Variants in TNS1 observed in about 807,000 individuals in gnomAD.
The protein encoded by TNS1 is tensin-1.
TNS1 carries 62 observed loss-of-function variants against 168.6 expected under a neutral mutation model. The observed-to-expected ratio is 0.37, with a 90% CI of 0.30 to 0.45. The LOEUF (loss-of-function observed/expected upper bound fraction) is 0.45, where lower values mean the gene tolerates loss of function less well. Among genes scored for constraint, TNS1 ranks in the 20% least tolerant of loss-of-function variants. The pLI, the probability that TNS1 is intolerant of heterozygous loss-of-function variation, is 1.00. For synonymous variants in TNS1, 934 were observed against 933.2 expected (o/e 1.00, Z -0.02); for missense variants, 2,240 against 2,339.4 (o/e 0.96, Z 0.88).
intron 4 of TNS1, 137 bp downstream of exon 4, chr2:217,920,058 G>A (rs4672857): frequency 0.062 from 41,586 of 674,242 alleles, 4,530 homozygotes; most frequent in African/African-American, 0.34. Context: ...TTCGGCCCAG[G>A]GAGGTCGACC....
intron 18 of TNS1, among the ~76,000 whole-genome samples, chr2:217,854,748 T>C (rs1220143483): frequency 6.6e-6 from 1 of 152,010 alleles, no homozygotes; most frequent in Non-Finnish European, 1.5e-5. Context: ...GCCCCAGCCA[T>C]GGGAAGAGGC....
At chr2:217,990,160 C>T (rs1048997742) in intron 2 of TNS1, among the ~76,000 whole-genome samples, 13 of 150,806 alleles carry the variant, frequency 8.6e-5, no homozygotes, top group East Asian at 7.8e-4. Flanking sequence ...ACATCATCCA[C>T]ACACCATCCA....
At chr2:218,024,483 G>A (rs1958835509) in intron 1 of TNS1, among the ~76,000 whole-genome samples, 1 of 152,176 alleles carries the variant, frequency 6.6e-6, no homozygotes, top group Admixed American at 6.5e-5. Flanking sequence ...TGCTGCAGAG[G>A]TGGGGAGCTG....
At chr2:217,809,559 GGATGGATGGATGGATGGATA>G (rs1940358475) in intron 30 of TNS1, among the ~76,000 whole-genome samples, 1 of 109,650 alleles carries the variant, frequency 9.1e-6, no homozygotes, top group African/African-American at 4.4e-5. Flanking sequence ...ATGGATGGAT[GGATGGATGGATGGATGGATA>G]GGTGCATGGA....
intron 3 of TNS1, among the ~76,000 whole-genome samples, chr2:217,939,072 C>T (rs1956780869): frequency 6.6e-6 from 1 of 152,090 alleles, no homozygotes; most frequent in African/African-American, 2.4e-5. Context: ...TAATAACTAA[C>T]CTTCATTGAG....
At chr2:217,970,961 T>C (rs1214585399) in intron 3 of TNS1, among the ~76,000 whole-genome samples, 1 of 151,186 alleles carries the variant, frequency 6.6e-6, no homozygotes, top group Admixed American at 6.6e-5. Context: ...CGCTATTAAA[T>C]ACATGGGATT....
At chr2:217,840,207 G>A (rs903066335) in intron 19 of TNS1, among the ~76,000 whole-genome samples, 1 of 152,200 alleles carries the variant, frequency 6.6e-6, no homozygotes, top group African/African-American at 2.4e-5. Context: ...TCAGGGGCAT[G>A]GTGTAGGGCA....
intron 2 of TNS1, among the ~76,000 whole-genome samples, chr2:217,990,599 C>A (rs114165117): frequency 0.019 from 2,901 of 152,328 alleles, 92 homozygotes; most frequent in African/African-American, 0.067. Context: ...ACAAAACCTC[C>A]ACATGCCACC....
chr2:217,849,177 A>G (rs1947129350), intron 18 of TNS1, 90 bp from the exon 19 acceptor site: 2 of 1,468,840 alleles, frequency 1.4e-6, no homozygotes, highest in African/African-American at 1.4e-5. Context: ...GAAAGAAGCT[A>G]AGAGCTCCCA....
chr2:217,831,921 T>A (rs1447589751), intron 21 of TNS1, among the ~76,000 whole-genome samples: 1 of 146,082 alleles, frequency 6.8e-6, no homozygotes, highest in Non-Finnish European at 1.5e-5. Context: ...TACTCTCTCA[T>A]CCCTCTTCCT....
chr2:217,931,250 C>T (rs1328221720), intron 3 of TNS1, among the ~76,000 whole-genome samples: 1 of 152,184 alleles, frequency 6.6e-6, no homozygotes, highest in Admixed American at 6.5e-5. Flanking sequence ...CCACCCAGAG[C>T]GAGGCTGCCC....
intron 21 of TNS1, 55 bp from the exon 22 acceptor site, chr2:217,831,602 G>A: frequency 1.5e-6 from 2 of 1,375,020 alleles, no homozygotes. Context: ...CAGGAGGGCA[G>A]ACACGCCAGG....
chr2:217,959,808 C>T (rs1957453153), intron 3 of TNS1, among the ~76,000 whole-genome samples: 1 of 151,904 alleles, frequency 6.6e-6, no homozygotes, highest in Non-Finnish European at 1.5e-5. Flanking sequence ...CAGCTGGACG[C>T]CTCTGTGGGT....
intron 30 of TNS1, 128 bp from the exon 31 acceptor site, chr2:217,808,799 T>C: frequency 1.3e-6 from 1 of 791,476 alleles, no homozygotes; most frequent in Non-Finnish European, 2.2e-6. Flanking sequence ...ACTTCTCTCT[T>C]ATGAGCAAGA....
At chr2:217,853,598 T>C (rs1947785232) in intron 18 of TNS1, among the ~76,000 whole-genome samples, 1 of 151,752 alleles carries the variant, frequency 6.6e-6, no homozygotes, top group Non-Finnish European at 1.5e-5. Flanking sequence ...TCCTGCCCAT[T>C]CCTCTTGGTG....
At chr2:217,824,959 G>T (rs541897686) in intron 22 of TNS1, among the ~76,000 whole-genome samples, 8 of 152,222 alleles carry the variant, frequency 5.3e-5, no homozygotes, top group African/African-American at 1.9e-4. Context: ...CCCTCAATCT[G>T]CATGTGCTCC....
chr2:217,872,682 C>A (rs1215082567), intron 18 of TNS1, among the ~76,000 whole-genome samples: 3 of 152,228 alleles, frequency 2.0e-5, no homozygotes, highest in Non-Finnish European at 4.4e-5. Context: ...AGTTCCACTC[C>A]TGGCTATCTA....
intron 18 of TNS1, among the ~76,000 whole-genome samples, chr2:217,857,622 G>C (rs1156372315): frequency 6.6e-6 from 1 of 152,214 alleles, no homozygotes; most frequent in East Asian, 1.9e-4. Context: ...CCATAAAAAG[G>C]GAGTAGGAGC....
At chr2:217,929,349 G>A (rs536355935) in intron 3 of TNS1, among the ~76,000 whole-genome samples, 20 of 152,314 alleles carry the variant, frequency 1.3e-4, no homozygotes, top group African/African-American at 4.1e-4. Flanking sequence ...CACTAGGCCG[G>A]ACTTCTTAGG....
Sources: allele counts gnomAD v4.1 joint callset (sites outside exome capture counted in the v4.1 genomes callset), GRCh38; gene constraint gnomAD v4.1.1; transcripts MANE v1.5; gene names NCBI Gene and HGNC (gene_info 2026-07-23, HGNC 2026-07-21).